Variants in SLC40A1 observed in about 807,000 individuals in gnomAD.
SLC40A1 encodes the protein ferroportin.
In SLC40A1, 16 loss-of-function variants were observed where a neutral mutation model predicts 53.5. The ratio of observed to expected loss-of-function variants is 0.30; its 90% confidence interval spans 0.20 to 0.45. SLC40A1 has a LOEUF of 0.45. SLC40A1 is among the 20% of genes least tolerant of loss of function. SLC40A1 has a pLI of 1.00. For missense variants in SLC40A1, 545 were observed against 695.4 expected (o/e 0.78, Z 2.43); for synonymous variants, 247 against 253.2 (o/e 0.98, Z 0.23).
chr2:189,562,250 C>A, intron 7 of SLC40A1, 59 bp from the exon 8 acceptor site: 1 of 1,351,408 alleles, frequency 7.4e-7, no homozygotes, highest in Non-Finnish European at 1.0e-6. Flanking sequence ...CATTTCAAAT[C>A]ACAGATAAAA....
chr2:189,565,640 C>T (rs556981672), intron 5 of SLC40A1, 41 bp from the exon 6 acceptor site: 3 of 1,613,444 alleles, frequency 1.9e-6, no homozygotes, highest in South Asian at 1.1e-5. Flanking sequence ...TGTGCAAACC[C>T]ATCAAAGAGA....
Position 189,561,165 on chromosome 2 carries a change from A to G in SLC40A1, c.*713T>C, listed in dbSNP as rs2030726576. Reference sequence around the variant, plus strand: ...AACTATTGACATATTTGAAGTCTGTATGCAGTCATTGTGTGATAAATCTAC... The same window carrying G: ...AACTATTGACATATTTGAAGTCTGTGTGCAGTCATTGTGTGATAAATCTAC... On this transcript the variant is annotated 3_prime_UTR_variant, in exon 8 of 8. Coordinates refer to ENST00000261024, the MANE Select transcript of SLC40A1 (RefSeq NM_014585.6). The G allele has an allele frequency of 6.6e-6, 1 of 152,228 alleles. No homozygotes were observed. The highest frequency in any genetic ancestry group is 6.5e-5 in the Admixed American group (1 of 15,282). 9.4% of individuals were successfully genotyped at this position (152,228 alleles called of 1,614,324 possible).
rs112614767 is a variant in SLC40A1, at chr2:189,575,334, A to G, written c.112-14T>C. The G allele has an allele frequency of 6.2e-7, 1 of 1,614,012 alleles. No individual in the cohort carries two copies. The highest frequency in any genetic ancestry group is 2.2e-5 in the East Asian group (1 of 44,880). ...CATCCGATCTCCCTTAAATGAAAAG[A>G]GAAAATGTTTTGATGGAATATTTTT... On this transcript the variant is annotated splice_polypyrimidine_tract_variant and intron_variant, in intron 2 of 7. Coordinates refer to ENST00000261024, the MANE Select transcript of SLC40A1 (RefSeq NM_014585.6).
At chr2:189,563,541 AAAGACACTTTAGTTCATT>A in intron 7 of SLC40A1, 25 bp downstream of exon 7, 1 of 1,572,816 alleles carries the variant, frequency 6.4e-7, no homozygotes, top group Non-Finnish European at 8.7e-7. Flanking sequence ...TACATTACAA[AAAGACACTTTAGTTCATT>A]AATATATAAA....
In SLC40A1 at chr2:189,565,382, A is replaced by C; in HGVS notation, c.732T>G (p.Thr244=). 1.2e-6 allele frequency: 2 copies of C among 1,614,258 alleles called. No homozygotes were observed. Among genetic ancestry groups the C allele is most frequent in the Non-Finnish European group, 1.7e-6 (2 of 1,180,040 alleles). ...AVKAGLKEEE[T]ELKQLNLHKD... ...TGTGTAAATTCAGCTGTTTCAATTC[A>C]GTTTCCTCTTCTTTAAGACCAGCTT... is the stretch of plus-strand genomic sequence containing the variant. Residue 244 remains threonine, a synonymous_variant, in exon 6 of 8, where the codon ACT becomes ACG. Transcript: ENST00000261024.
At position 189,563,773 on chromosome 2, in the gene SLC40A1, A is replaced by G; in HGVS notation, c.1213T>C (p.Phe405Leu). The G allele has an allele frequency of 6.2e-7, 1 of 1,614,240 alleles. No homozygotes were observed. Among genetic ancestry groups the G allele is most frequent in the Non-Finnish European group, 8.5e-7 (1 of 1,180,048 alleles). Residue 405 changes from phenylalanine (F) to leucine (L), a missense_variant, in exon 7 of 8, where the codon TTT (phenylalanine) becomes CTT (leucine). Phe to Leu is a conservative substitution (Grantham distance 22). Around this residue, in one of 4 missense-constraint regions of SLC40A1, gnomAD observed 234 missense variants for 299.0 expected, o/e 0.78. Coordinates refer to ENST00000261024, the MANE Select transcript of SLC40A1 (RefSeq NM_014585.6). Reference protein sequence around the residue: ...GSPLDLSVSPFEDIRSRFIQG... With the variant: ...GSPLDLSVSPLEDIRSRFIQG... ...ATGAACCTTGATCGGATATCTTCAA[A>G]AGGAGAAACGGACAAGTCCAGGGGG... is the stretch of plus-strand genomic sequence containing the variant.
intron 2 of SLC40A1, among the ~76,000 whole-genome samples, chr2:189,575,564 C>T (rs2031263669): frequency 1.3e-5 from 2 of 152,206 alleles, no homozygotes; most frequent in African/African-American, 4.8e-5. Context: ...ACCGCACATT[C>T]TCTTTTTCAT....
In SLC40A1 at chr2:189,560,621, T is replaced by A. The variant is rs879761956; in HGVS notation, c.*1257A>T. The A allele has an allele frequency of 6.6e-6, 1 of 152,578 alleles. No homozygotes were observed. Among genetic ancestry groups the A allele is most frequent in the Non-Finnish European group, 1.5e-5 (1 of 68,028 alleles). 9.5% of individuals were successfully genotyped at this position (152,578 alleles called of 1,614,324 possible). Reference sequence around the variant, plus strand: ...TTTTCAAAATATTTTTATATAGAAATTTTTTACAAAGATTTTACAACATAG... The same window carrying A: ...TTTTCAAAATATTTTTATATAGAAAATTTTTACAAAGATTTTACAACATAG... On this transcript the variant is annotated 3_prime_UTR_variant, in exon 8 of 8. Transcript: ENST00000261024.
At chr2:189,578,127 C>T in intron 2 of SLC40A1, 3 of 762,804 alleles carry the variant, frequency 3.9e-6, no homozygotes, top group Non-Finnish European at 4.8e-6. Context: ...AATACATATA[C>T]ACACACACAT....
Position 189,580,572 on chromosome 2 carries a change from C to G in SLC40A1, c.-112G>C. ...ACTGGAGATAGCACCTCTAAAAACA[C>G]AACAGCCTTGGGCAAAAAGACTACA... is the stretch of plus-strand genomic sequence containing the variant. On this transcript the variant is annotated 5_prime_UTR_variant, in exon 1 of 8. Transcript: ENST00000261024. The G allele has an allele frequency of 1.3e-6, 2 of 1,594,168 alleles. No individual in the cohort carries two copies. The highest frequency in any genetic ancestry group is 1.7e-6 in the Non-Finnish European group (2 of 1,175,218).
rs2031175738 is a variant in SLC40A1 at position 189,572,886 on chromosome 2, T to C, written c.347A>G (p.His116Arg). Reference sequence around the variant, plus strand: ...GTACATGGTCAGAAGCTCATGTTTATGTAAGAAAACCATCATCAGGATGAT... The same window carrying C: ...GTACATGGTCAGAAGCTCATGTTTACGTAAGAAAACCATCATCAGGATGAT... The part of the protein sequence containing the change: ...CGIILMMVFL[H>R]KHELLTMYHG... Residue 116 changes from histidine (H) to arginine (R), a missense_variant, in exon 4 of 8, where the codon CAT (histidine) becomes CGT (arginine). By Grantham distance (29) the His-to-Arg change is conservative (BLOSUM62 0). Coordinates refer to ENST00000261024, the MANE Select transcript of SLC40A1 (RefSeq NM_014585.6). 1.9e-6 allele frequency: 3 copies of C among 1,613,894 alleles called. No individual in the cohort carries two copies. The highest frequency in any genetic ancestry group is 2.5e-6 in the Non-Finnish European group (3 of 1,179,872).
intron 4 of SLC40A1, among the ~76,000 whole-genome samples, chr2:189,572,366 A>G (rs757198306): frequency 2.6e-5 from 4 of 152,184 alleles, no homozygotes; most frequent in Non-Finnish European, 5.9e-5. Context: ...AGAAGATTCA[A>G]TATGACACCA....
chr2:189,573,031 T>C, intron 3 of SLC40A1, 70 bp from the exon 4 acceptor site: 1 of 1,038,306 alleles, frequency 9.6e-7, no homozygotes, highest in Non-Finnish European at 1.5e-6. Flanking sequence ...TATCCACACA[T>C]AATTGTTCTA....
intron 5 of SLC40A1, among the ~76,000 whole-genome samples, chr2:189,566,642 T>C (rs1409064063): frequency 1.3e-5 from 2 of 152,108 alleles, no homozygotes; most frequent in Non-Finnish European, 2.9e-5. Flanking sequence ...AATTCATCAA[T>C]AGTAACAAGA....
chr2:189,564,753 T>A (rs1430817783), intron 6 of SLC40A1, among the ~76,000 whole-genome samples: 1 of 152,102 alleles, frequency 6.6e-6, no homozygotes, highest in African/African-American at 2.4e-5. Context: ...GGCAGGAGAA[T>A]GGCGTGAACC....
chr2:189,568,703 A>T (rs2031014909), intron 5 of SLC40A1, among the ~76,000 whole-genome samples: 2 of 152,250 alleles, frequency 1.3e-5, no homozygotes, highest in African/African-American at 4.8e-5. Flanking sequence ...GGTATATTAC[A>T]TCCATAGAAG....
At chr2:189,562,904 A>C (rs1406540976) in intron 7 of SLC40A1, among the ~76,000 whole-genome samples, 1 of 152,148 alleles carries the variant, frequency 6.6e-6, no homozygotes, top group Non-Finnish European at 1.5e-5. Flanking sequence ...TAAAGCCAAA[A>C]ACATTACCTT....
Position 189,575,276 on chromosome 2 carries a change from C to G in SLC40A1, c.156G>C (p.Glu52Asp). The G allele has an allele frequency of 6.2e-7, 1 of 1,614,124 alleles. No homozygotes were observed. Among genetic ancestry groups the G allele is most frequent in the Non-Finnish European group, 8.5e-7 (1 of 1,179,980 alleles). ...TCAAAAGGAGGCTGTTTCCATAGAG[C>G]TCTACCAGAAACACAGACACCGCAA... ...WHFAVSVFLV[E>D]LYGNSLLLTA... The change falls in exon 3 of 8, where the codon GAG becomes GAC. Residue 52 changes from glutamate to aspartate, a missense_variant. By Grantham distance (45) the Glu-to-Asp change is conservative. Around this residue, in one of 4 missense-constraint regions of SLC40A1, gnomAD observed 197 missense variants for 278.8 expected, o/e 0.71. Transcript: ENST00000261024.
Position 189,563,609 on chromosome 2 carries a change from A to C in SLC40A1, c.1377T>G (p.Phe459Leu). The change falls in exon 7 of 8, where the codon TTT becomes TTG. Residue 459 changes from phenylalanine to leucine, a missense_variant. Phe to Leu is a conservative substitution (Grantham distance 22, BLOSUM62 0). This residue lies in a region of SLC40A1 where 234 missense variants were observed against 299.0 expected (regional missense o/e 0.78). Coordinates refer to ENST00000261024, the MANE Select transcript of SLC40A1 (RefSeq NM_014585.6). ...CGATTCTAGCAGCAATGACGCCTGC[A>C]AACAGCAGACTGACAGAGATTATGG... ...SVPIISVSLL[F>L]AGVIAARIGL... 6.2e-7 allele frequency: 1 copy of C among 1,614,124 alleles called. No homozygotes were observed.
Sources: allele counts gnomAD v4.1 joint callset (sites outside exome capture counted in the v4.1 genomes callset), GRCh38; gene constraint gnomAD v4.1.1; regional missense constraint gnomAD v4.1.1; transcripts MANE v1.5; gene names NCBI Gene and HGNC (gene_info 2026-07-23, HGNC 2026-07-21).